Variants in SHOC2 observed in about 807,000 individuals in gnomAD.
The protein encoded by SHOC2 is SHOC2 leucine rich repeat scaffold protein.
Under a neutral mutation model 50.2 loss-of-function variants are expected in SHOC2, and 4 were observed. That is an observed-to-expected ratio of 0.08 (90% confidence interval 0.04 to 0.18). The LOEUF (loss-of-function observed/expected upper bound fraction) is 0.18, where lower values mean the gene tolerates loss of function less well. Among genes scored for constraint, SHOC2 ranks in the 10% least tolerant of loss-of-function variants. The pLI is 1.00. For synonymous variants in SHOC2, 218 were observed against 244.5 expected (o/e 0.89, Z 1.01); for missense variants, 388 against 669.6 (o/e 0.58, Z 4.64).
At chr10:110,956,042 T>C (rs1422353204) in intron 1 of SHOC2, among the ~76,000 whole-genome samples, 1 of 152,168 alleles carries the variant, frequency 6.6e-6, no homozygotes, top group Non-Finnish European at 1.5e-5. Context: ...AACCCAAATA[T>C]ATGGCTATGT....
intron 1 of SHOC2, among the ~76,000 whole-genome samples, chr10:110,963,752 A>G (rs544002825): frequency 1.3e-5 from 2 of 152,312 alleles, no homozygotes; most frequent in Admixed American, 6.5e-5. Context: ...GGGGATAACA[A>G]TGTATCTCAT....
rs771283010 is a variant in SHOC2, at chr10:111,009,838, C to A, written c.1540+8C>A. 25 of 1,391,568 alleles carry A rather than the reference C, an allele frequency of 1.8e-5. No individual in the cohort carries two copies. In the East Asian group the frequency reaches 5.2e-4, roughly 29 times the overall value. 86.2% of individuals were successfully genotyped at this position (1,391,568 alleles called of 1,614,324 possible). ...ACCTTCCTGAAGAAATTGGTATGAACCCTGTGAATGCTTGACTCTGTACTA... is the reference window on the plus strand; with the variant it reads ...ACCTTCCTGAAGAAATTGGTATGAAACCTGTGAATGCTTGACTCTGTACTA... On this transcript the variant is annotated splice_region_variant and intron_variant, in intron 8 of 8. Transcript: ENST00000369452.
At chr10:110,955,902 A>C (rs1384056709) in intron 1 of SHOC2, among the ~76,000 whole-genome samples, 2 of 152,210 alleles carry the variant, frequency 1.3e-5, no homozygotes, top group Non-Finnish European at 2.9e-5. Context: ...TAAAGACATA[A>C]GGAACAATTA....
chr10:110,985,787 A>G (rs367599521), intron 3 of SHOC2, 22 bp downstream of exon 3: 36 of 1,604,774 alleles, frequency 2.2e-5, no homozygotes, highest in Non-Finnish European at 3.0e-5. Flanking sequence ...GAAAGGAGAT[A>G]TTGATAGCTG....
intron 2 of SHOC2, among the ~76,000 whole-genome samples, chr10:110,984,649 A>G (rs1848044149): frequency 6.6e-6 from 1 of 152,188 alleles, no homozygotes; most frequent in African/African-American, 2.4e-5. Flanking sequence ...AAAAATCTTG[A>G]CAAGACCAAT....
intron 1 of SHOC2, among the ~76,000 whole-genome samples, chr10:110,955,779 A>G (rs1156575452): frequency 6.6e-6 from 1 of 152,256 alleles, no homozygotes; most frequent in Non-Finnish European, 1.5e-5. Context: ...GTCCTAGAGT[A>G]GAAATTGAAA....
intron 1 of SHOC2, among the ~76,000 whole-genome samples, chr10:110,948,202 T>A (rs1224382085): frequency 6.6e-6 from 1 of 152,162 alleles, no homozygotes; most frequent in Non-Finnish European, 1.5e-5. Context: ...ACACTCAACA[T>A]CAGAGCACCA....
chr10:110,987,760 A>T (rs2134152118), intron 3 of SHOC2, among the ~76,000 whole-genome samples: 1 of 152,298 alleles, frequency 6.6e-6, no homozygotes, highest in East Asian at 1.9e-4. Flanking sequence ...TTTAAACTGC[A>T]TGTTTAAAAC....
chr10:110,993,971 T>A (rs1054647719), intron 3 of SHOC2, among the ~76,000 whole-genome samples: 1 of 152,202 alleles, frequency 6.6e-6, no homozygotes. Context: ...TTCTCTCTGT[T>A]AATAAATTCT....
chr10:110,958,561 T>G (rs1481716436), intron 1 of SHOC2, among the ~76,000 whole-genome samples: 1 of 152,146 alleles, frequency 6.6e-6, no homozygotes, highest in African/African-American at 2.4e-5. Flanking sequence ...CAGTATCATC[T>G]TCTACATGCG....
intron 1 of SHOC2, among the ~76,000 whole-genome samples, chr10:110,944,553 T>C (rs1050254480): frequency 1.1e-4 from 17 of 152,316 alleles, no homozygotes; most frequent in African/African-American, 2.6e-4. Context: ...ACATTTTAAA[T>C]AATAAATGAT....
chr10:111,005,504 G>A (rs917891178), intron 5 of SHOC2, among the ~76,000 whole-genome samples: 13 of 152,068 alleles, frequency 8.5e-5, no homozygotes, highest in Non-Finnish European at 1.3e-4. Flanking sequence ...GAAAGTTAAA[G>A]CATGTAAAAA....
intron 8 of SHOC2, among the ~76,000 whole-genome samples, chr10:111,011,054 A>C (rs1848557627): frequency 6.6e-6 from 1 of 152,216 alleles, no homozygotes; most frequent in African/African-American, 2.4e-5. Context: ...AAGTATCCTA[A>C]GAAAAAATTT....
chr10:110,952,466 T>C (rs1847374501), intron 1 of SHOC2, among the ~76,000 whole-genome samples: 3 of 152,338 alleles, frequency 2.0e-5, no homozygotes, highest in Admixed American at 1.3e-4. Context: ...TATAGTATCA[T>C]AGGGAATTGC....
At chr10:110,933,960 G>A (rs1396056986) in intron 1 of SHOC2, among the ~76,000 whole-genome samples, 3 of 152,142 alleles carry the variant, frequency 2.0e-5, no homozygotes, top group African/African-American at 7.2e-5. Context: ...TGTTAAGCAC[G>A]ATGTAGCTAT....
At chr10:110,934,857 G>T (rs566281857) in intron 1 of SHOC2, among the ~76,000 whole-genome samples, 4 of 152,170 alleles carry the variant, frequency 2.6e-5, no homozygotes, top group Admixed American at 6.5e-5. Flanking sequence ...AACTTAAGTA[G>T]TAGTTTTTGT....
rs928339281 is a variant in SHOC2, at chr10:110,970,170, C to G, written c.703+5109C>G. 2.0e-5 allele frequency among the ~76,000 whole-genome samples: 3 copies of G among 152,234 alleles called. No individual in the cohort carries two copies. The East Asian group carries it at 5.8e-4, about 29-fold the overall frequency. On this transcript the variant is annotated intron_variant, in intron 2 of 8. Transcript: ENST00000369452. ...TCCTATCTAGCTGTAGTTTTGTGTCCATTAACCAACCTCTCCCCATCCCGC... is the reference window on the plus strand; with the variant it reads ...TCCTATCTAGCTGTAGTTTTGTGTCGATTAACCAACCTCTCCCCATCCCGC...
intron 1 of SHOC2, among the ~76,000 whole-genome samples, chr10:110,958,412 C>G (rs1847509281): frequency 6.6e-6 from 1 of 152,086 alleles, no homozygotes; most frequent in Non-Finnish European, 1.5e-5. Context: ...CGGGGTTTCA[C>G]CATGTTGGCC....
At chr10:110,950,367 A>G (rs548371340) in intron 1 of SHOC2, among the ~76,000 whole-genome samples, 2 of 152,336 alleles carry the variant, frequency 1.3e-5, no homozygotes, top group Admixed American at 1.3e-4. Context: ...TTGATGAAAG[A>G]AATTGAAGAA....
Sources: allele counts gnomAD v4.1 joint callset (sites outside exome capture counted in the v4.1 genomes callset), GRCh38; gene constraint gnomAD v4.1.1; transcripts MANE v1.5; gene names NCBI Gene and HGNC (gene_info 2026-07-23, HGNC 2026-07-21).